The following PDE10A variants were observed in gnomAD, a reference collection of about 807,000 sequenced individuals.
The protein encoded by PDE10A is cAMP and cAMP-inhibited cGMP 3',5'-cyclic phosphodiesterase 10A.
A neutral mutation model predicts 97.7 loss-of-function variants in PDE10A; 39 were observed. The ratio of observed to expected loss-of-function variants is 0.40; its 90% CI spans 0.31 to 0.52. PDE10A has a LOEUF of 0.52. Among genes scored for constraint, PDE10A ranks in the 20% least tolerant of loss-of-function variants. The pLI, the probability that PDE10A is intolerant of heterozygous loss-of-function variation, is 0.56. For synonymous variants in PDE10A, 371 were observed against 376.8 expected, an observed-to-expected ratio of 0.98 and a Z score of 0.18; for missense variants, 731 against 1,047.8, an observed-to-expected ratio of 0.70 and a Z score of 4.17.
chr6:165,617,793 G>GTAA (rs1190460448), intron 1 of PDE10A, among the ~76,000 whole-genome samples: 1 of 152,122 alleles, frequency 6.6e-6, no homozygotes, highest in African/African-American at 2.4e-5. Flanking sequence ...TAAGAGCAGG[G>GTAA]TAAACCCAAC....
intron 1 of PDE10A, among the ~76,000 whole-genome samples, chr6:165,588,044 T>G (rs1027662066): frequency 3.9e-5 from 6 of 152,220 alleles, no homozygotes; most frequent in African/African-American, 7.2e-5. Flanking sequence ...TTGTATTTTC[T>G]TTATCATCAA....
At chr6:165,756,969 G>A (rs1338510387) in intron 1 of PDE10A, among the ~76,000 whole-genome samples, 1 of 112,834 alleles carries the variant, frequency 8.9e-6, no homozygotes, top group Non-Finnish European at 1.9e-5. Context: ...CCATTAGGAT[G>A]CTATTTTTTT....
At chr6:165,680,803 G>A (rs997598311) in intron 1 of PDE10A, among the ~76,000 whole-genome samples, 5 of 152,210 alleles carry the variant, frequency 3.3e-5, no homozygotes, top group South Asian at 2.1e-4. Flanking sequence ...ACTATCGCTC[G>A]AACCCTGAAG....
intron 1 of PDE10A, among the ~76,000 whole-genome samples, chr6:165,947,706 A>G (rs932034143): frequency 6.6e-6 from 1 of 152,172 alleles, no homozygotes; most frequent in Admixed American, 6.5e-5. Context: ...TATTGATTCA[A>G]TGTGCATTAA....
chr6:165,646,653 G>A (rs986565978), intron 1 of PDE10A, among the ~76,000 whole-genome samples: 1 of 152,144 alleles, frequency 6.6e-6, no homozygotes, highest in African/African-American at 2.4e-5. Flanking sequence ...TTATGATGTC[G>A]AGGAAAGACA....
chr6:165,839,229 A>G (rs1780147735), intron 1 of PDE10A, among the ~76,000 whole-genome samples: 1 of 152,226 alleles, frequency 6.6e-6, no homozygotes, highest in South Asian at 2.1e-4. Context: ...AAAGTACTTT[A>G]CGCTTTAAAT....
intron 3 of PDE10A, among the ~76,000 whole-genome samples, chr6:165,464,707 T>C (rs975843905): frequency 4.6e-5 from 7 of 152,192 alleles, no homozygotes; most frequent in Non-Finnish European, 7.3e-5. Context: ...TTTCCCACCA[T>C]AGATTAGTTT....
intron 2 of PDE10A, among the ~76,000 whole-genome samples, chr6:165,484,591 C>G (rs1457432301): frequency 6.6e-6 from 1 of 152,164 alleles, no homozygotes; most frequent in Non-Finnish European, 1.5e-5. Context: ...GCTGCAAATA[C>G]AGATTAACAT....
chr6:165,741,181 C>T (rs1259656498), intron 1 of PDE10A, among the ~76,000 whole-genome samples: 1 of 152,042 alleles, frequency 6.6e-6, no homozygotes, highest in African/African-American at 2.4e-5. Flanking sequence ...TGTTAATAAG[C>T]TTGACTGCGG....
At chr6:165,915,190 A>G (rs1782570916) in intron 1 of PDE10A, among the ~76,000 whole-genome samples, 1 of 152,056 alleles carries the variant, frequency 6.6e-6, no homozygotes, top group South Asian at 2.1e-4. Context: ...GTACAACTAG[A>G]AGTGTGGTAA....
At chr6:165,746,160 C>T (rs567234493) in intron 1 of PDE10A, among the ~76,000 whole-genome samples, 3 of 152,232 alleles carry the variant, frequency 2.0e-5, no homozygotes, top group African/African-American at 7.2e-5. Flanking sequence ...GTCCTTGAAG[C>T]TTTTCTAGCT....
At chr6:165,513,946 A>G (rs971543237) in intron 2 of PDE10A, among the ~76,000 whole-genome samples, 2 of 152,188 alleles carry the variant, frequency 1.3e-5, no homozygotes, top group African/African-American at 2.4e-5. Flanking sequence ...TGTAAAAAAT[A>G]TAAGACAGTT....
chr6:165,828,240 C>A (rs946429372), intron 1 of PDE10A, among the ~76,000 whole-genome samples: 1 of 152,172 alleles, frequency 6.6e-6, no homozygotes, highest in African/African-American at 2.4e-5. Context: ...TACTAAACAC[C>A]TACTGTTACA....
At position 165,844,492 on chromosome 6, in the gene PDE10A, C is replaced by T. The variant is rs562700554; in HGVS notation, c.-615+143037G>A. On this transcript the variant is annotated intron_variant, in intron 1 of 19. Transcript: ENST00000366882. ...TCTAAGTCACTCCAGTCTCTGTTTT[C>T]GAAAATGAACAGGCAGTACTTAACA... Among the ~76,000 whole-genome samples, 10 of 152,226 alleles carry T rather than the reference C, an allele frequency of 6.6e-5. No homozygotes were observed. In the East Asian group the frequency reaches 1.4e-3, roughly 21 times the overall value.
intron 3 of PDE10A, 59 bp from the exon 4 acceptor site, chr6:165,450,421 C>T: frequency 2.0e-6 from 2 of 1,013,044 alleles, no homozygotes; most frequent in Non-Finnish European, 2.9e-6. Flanking sequence ...AACAAAAATT[C>T]CTTAGTCTGT....
intron 4 of PDE10A, among the ~76,000 whole-genome samples, chr6:165,449,186 A>C (rs1366285692): frequency 1.3e-5 from 2 of 152,234 alleles, no homozygotes; most frequent in Non-Finnish European, 2.9e-5. Flanking sequence ...GTGAGTATAA[A>C]ATTTAAGACG....
chr6:165,597,738 C>A (rs945489237), intron 1 of PDE10A, among the ~76,000 whole-genome samples: 7 of 152,188 alleles, frequency 4.6e-5, no homozygotes, highest in Non-Finnish European at 1.0e-4. Context: ...AAGATCTCAG[C>A]AACATCAAAC....
At chr6:165,745,691 T>C (rs1408875345) in intron 1 of PDE10A, among the ~76,000 whole-genome samples, 1 of 152,252 alleles carries the variant, frequency 6.6e-6, no homozygotes, top group Non-Finnish European at 1.5e-5. Flanking sequence ...GTTCCTTTTT[T>C]AAAGGTTTTC....
chr6:165,327,345 G>T lies in PDE10A; in HGVS notation c.*5680C>A, dbSNP rs889566078. 1 of 152,070 alleles carries T rather than the reference G, an allele frequency of 6.6e-6. No homozygotes were observed. Among genetic ancestry groups the T allele is most frequent in the South Asian group, 2.1e-4 (1 of 4,814 alleles). The allele number at this position is 152,070 out of a possible 1,614,324, so 9.4% of individuals were successfully genotyped here. A position where few individuals can be genotyped will look rare whatever the true frequency, so the allele number is the denominator to read the frequency against. ...ACCAAAGGATATCCATTAAAATTAT[G>T]AACATTTCTAAATATATTTCATGTA... On this transcript the variant is annotated 3_prime_UTR_variant, in exon 22 of 22. Transcript: ENST00000539869.
Sources: allele counts gnomAD v4.1 joint callset (sites outside exome capture counted in the v4.1 genomes callset), GRCh38; gene constraint gnomAD v4.1.1; transcripts MANE v1.5; gene names NCBI Gene and HGNC (gene_info 2026-07-23, HGNC 2026-07-21).